CYTH3: variants seen among roughly 807,000 people sequenced by gnomAD.
CYTH3 encodes the protein cytohesin-3.
CYTH3 carries 23 observed loss-of-function variants against 55.1 expected under a neutral mutation model. That is an observed-to-expected ratio of 0.42 (90% CI 0.30 to 0.59). The LOEUF (loss-of-function observed/expected upper bound fraction) is 0.59, where lower values mean the gene tolerates loss of function less well. Among genes scored for constraint, CYTH3 ranks in the 20% least tolerant of loss-of-function variants. The pLI is 0.20. For missense variants in CYTH3, 413 were observed against 524.8 expected, an observed-to-expected ratio of 0.79 and a Z score of 2.08; for synonymous variants, 249 against 194.9, an observed-to-expected ratio of 1.28 and a Z score of -2.31.
intron 1 of CYTH3, among the ~76,000 whole-genome samples, chr7:6,239,568 G>A (rs1444382474): frequency 1.3e-5 from 2 of 152,164 alleles, no homozygotes; most frequent in Non-Finnish European, 2.9e-5. Context: ...TAGAAAAGAG[G>A]AGATAAAACC....
At chr7:6,180,114 G>T (rs1458935300) in intron 4 of CYTH3, among the ~76,000 whole-genome samples, 2 of 152,172 alleles carry the variant, frequency 1.3e-5, no homozygotes, top group African/African-American at 4.8e-5. Flanking sequence ...CAGGTGGGAG[G>T]AGAGACAGGA....
chr7:6,203,163 T>C (rs928635263), intron 1 of CYTH3, among the ~76,000 whole-genome samples: 10 of 151,522 alleles, frequency 6.6e-5, no homozygotes, highest in Non-Finnish European at 1.5e-4. Context: ...AATTGACAGA[T>C]GTACATGTAA....
In CYTH3 at chr7:6,165,032, A is replaced by AAACACACAGGTTAGGTCGTGGGT. The variant is rs1312130980; in HGVS notation, c.1128-39_1128-17dup. 6.2e-7 allele frequency: 1 copy of AAACACACAGGTTAGGTCGTGGGT among 1,614,008 alleles called. No homozygotes were observed. Among genetic ancestry groups the AAACACACAGGTTAGGTCGTGGGT allele is most frequent in the African/African-American group, 1.3e-5 (1 of 74,918 alleles). The stretch of plus-strand genomic sequence containing the variant: ...GATACTGGCTCTGGTGAAAAAAGGA[A>AAACACACAGGTTAGGTCGTGGGT]AACACACAGGTTAGGTCGTGGGTGA... On this transcript the variant is annotated splice_polypyrimidine_tract_variant and intron_variant, in intron 12 of 12. Transcript: ENST00000350796.
intron 1 of CYTH3, among the ~76,000 whole-genome samples, chr7:6,269,880 AC>A (rs1201093967): frequency 6.6e-6 from 1 of 152,132 alleles, no homozygotes; most frequent in Non-Finnish European, 1.5e-5. Context: ...CAAAAAAAAG[AC>A]CTTTTCAATT....
At chr7:6,191,318 T>A (rs890542623) in intron 1 of CYTH3, among the ~76,000 whole-genome samples, 1 of 151,736 alleles carries the variant, frequency 6.6e-6, no homozygotes, top group African/African-American at 2.4e-5. Context: ...TAAATCAACA[T>A]AGACAGCGCC....
chr7:6,230,933 G>C (rs1176790773), intron 1 of CYTH3, among the ~76,000 whole-genome samples: 1 of 152,096 alleles, frequency 6.6e-6, no homozygotes, highest in African/African-American at 2.4e-5. Flanking sequence ...AGTCAATAAG[G>C]CCACTTTCAT....
chr7:6,272,549 C>A lies in CYTH3; in HGVS notation c.-42G>T. ...CAGCCGGCGAGCCGGGGGCCGGCAG[C>A]AGAGGGGCCGCGGGCTGGGGACGCC... On this transcript the variant is annotated 5_prime_UTR_variant, in exon 1 of 13. Transcript: ENST00000350796. 7.8e-7 allele frequency: 1 copy of A among 1,282,006 alleles called. No individual in the cohort carries two copies. Among genetic ancestry groups the A allele is most frequent in the Non-Finnish European group, 1.0e-6 (1 of 1,002,810 alleles). The allele number at this position is 1,282,006 out of a possible 1,614,324, so 79.4% of individuals were successfully genotyped here.
intron 1 of CYTH3, among the ~76,000 whole-genome samples, chr7:6,265,931 T>C (rs564464438): frequency 1.3e-5 from 2 of 148,712 alleles, no homozygotes; most frequent in East Asian, 2.0e-4. Context: ...TAATGCTTTA[T>C]TTTTTAAAAA....
intron 1 of CYTH3, among the ~76,000 whole-genome samples, chr7:6,258,263 T>C (rs1244858979): frequency 2.0e-5 from 3 of 149,936 alleles, no homozygotes; most frequent in Non-Finnish European, 4.4e-5. Context: ...CAAAGAGCCA[T>C]GATCATGCCA....
chr7:6,184,493 G>C (rs536982403), intron 4 of CYTH3, among the ~76,000 whole-genome samples: 2 of 152,292 alleles, frequency 1.3e-5, no homozygotes, highest in South Asian at 2.1e-4. Context: ...AGACAGTCAA[G>C]AGCCTGACAG....
At chr7:6,272,441 C>A in intron 1 of CYTH3, 33 bp downstream of exon 1, 1 of 1,333,878 alleles carries the variant, frequency 7.5e-7, no homozygotes, top group Non-Finnish European at 9.7e-7. Context: ...GACCCCAGGC[C>A]GCCGGCGAGC....
At chr7:6,223,448 AAAG>A (rs1368634384) in intron 1 of CYTH3, among the ~76,000 whole-genome samples, 1 of 152,246 alleles carries the variant, frequency 6.6e-6, no homozygotes, top group Non-Finnish European at 1.5e-5. Context: ...GTCTGTGTAG[AAAG>A]AAGTTGACAT....
In CYTH3 at chr7:6,173,654, T is replaced by G. The variant is rs1353350497; in HGVS notation, c.448A>C (p.Arg150=). 1.2e-6 allele frequency: 2 copies of G among 1,604,140 alleles called. No individual in the cohort carries two copies. The highest frequency in any genetic ancestry group is 2.7e-5 in the African/African-American group (2 of 74,718). The change falls in exon 6 of 13, where the codon AGG becomes CGG. Residue 150 remains arginine (R), a splice_region_variant and synonymous_variant. Coordinates refer to ENST00000350796, the MANE Select transcript of CYTH3 (RefSeq NM_004227.4). ...CACCCAGCAAATGATCATACTTACC[T>G]TAAGGCTTGTACAAGGTTGAGATCA... The part of the protein sequence containing the change: ...FADLNLVQAL[R]QFLWSFRLPG...
At chr7:6,247,695 G>C (rs186840277) in intron 1 of CYTH3, among the ~76,000 whole-genome samples, 11 of 152,138 alleles carry the variant, frequency 7.2e-5, no homozygotes, top group Admixed American at 4.6e-4. Flanking sequence ...CCAGGCTGGA[G>C]TGCAGTGCTA....
At chr7:6,172,870 G>C (rs1039968656) in intron 6 of CYTH3, 3 of 1,264,460 alleles carry the variant, frequency 2.4e-6, no homozygotes, top group South Asian at 1.3e-5. Flanking sequence ...ACAACATCAC[G>C]AGGGTCCCAC....
intron 1 of CYTH3, among the ~76,000 whole-genome samples, chr7:6,253,063 G>C (rs1224399520): frequency 6.6e-6 from 1 of 151,972 alleles, no homozygotes; most frequent in African/African-American, 2.4e-5. Flanking sequence ...CTTTTACCTT[G>C]AATCAAAATG....
rs946192060 is a variant in CYTH3 at position 6,242,286 on chromosome 7, C to T, written c.34+30188G>A. Among the ~76,000 whole-genome samples, 5 of 151,924 alleles carry T rather than the reference C, an allele frequency of 3.3e-5. 1 individual carries two copies. On this transcript the variant is annotated intron_variant, in intron 1 of 12. Coordinates refer to ENST00000350796, the MANE Select transcript of CYTH3 (RefSeq NM_004227.4). Reference sequence around the variant, plus strand: ...AGAGATGGGGTTTCACCGCGTTGGCCAGGATGGTCTCCATCTCCTGACGTC... The same window carrying T: ...AGAGATGGGGTTTCACCGCGTTGGCTAGGATGGTCTCCATCTCCTGACGTC...
chr7:6,235,263 G>C (rs1779489905), intron 1 of CYTH3, among the ~76,000 whole-genome samples: 2 of 152,136 alleles, frequency 1.3e-5, no homozygotes, highest in Admixed American at 6.5e-5. Flanking sequence ...ATCATTTGAG[G>C]TCACGAGTTC....
At chr7:6,253,460 C>T (rs554834917) in intron 1 of CYTH3, among the ~76,000 whole-genome samples, 8 of 152,054 alleles carry the variant, frequency 5.3e-5, no homozygotes, top group Admixed American at 1.3e-4. Context: ...CCGCCTGCCT[C>T]GGCCTCTCAA....
Sources: gnomAD v4.1 joint callset for allele counts (sites outside exome capture counted in the v4.1 genomes callset) on GRCh38, gnomAD v4.1.1 for gene constraint, MANE v1.5 for transcripts, NCBI Gene and HGNC (gene_info 2026-07-23, HGNC 2026-07-21) for gene names.